The following ATG10 variants were observed in gnomAD, a reference collection of about 807,000 sequenced individuals.
The protein encoded by ATG10 is ubiquitin-like-conjugating enzyme ATG10.
A neutral mutation model predicts 32.1 loss-of-function variants in ATG10; 30 were observed. That is an observed-to-expected ratio of 0.94 (90% CI 0.70 to 1.27). The LOEUF is 1.27. ATG10 is among the 50% of genes most tolerant of loss of function. The pLI is 0.00. For missense variants in ATG10, 233 were observed against 262.3 expected (o/e 0.89, Z 0.77); for synonymous variants, 87 against 91.5 (o/e 0.95, Z 0.28).
In ATG10 at chr5:82,048,198, C is replaced by T. The variant is rs1414640502; in HGVS notation, c.109-10297C>T. On this transcript the variant is annotated intron_variant, in intron 2 of 7. Coordinates refer to ENST00000282185, the MANE Select transcript of ATG10 (RefSeq NM_031482.5). ...TTGGCTTAGGATTGACTTGGCGATG[C>T]GGGCTCTTTTTTGGTTCCATATGAA... Among the ~76,000 whole-genome samples the T allele has an allele frequency of 2.7e-4, 36 of 133,648 alleles. 1 individual carries two copies. Among genetic ancestry groups the T allele is most frequent in the South Asian group, 1.6e-3 (6 of 3,652 alleles). The allele number at this position is 133,648 out of a possible 152,430, so 87.7% of individuals were successfully genotyped here.
At chr5:82,059,013 A>G (rs1218203767) in intron 3 of ATG10, among the ~76,000 whole-genome samples, 3 of 152,132 alleles carry the variant, frequency 2.0e-5, no homozygotes, top group Non-Finnish European at 4.4e-5. Context: ...CCCTGAATAT[A>G]GCCCTAGCCC....
At chr5:82,077,213 C>G (rs956952930) in intron 3 of ATG10, among the ~76,000 whole-genome samples, 1 of 152,124 alleles carries the variant, frequency 6.6e-6, no homozygotes, top group Non-Finnish European at 1.5e-5. Flanking sequence ...GTCCCAGCTA[C>G]ACGAGAGGCT....
chr5:81,991,273 C>G (rs967076382), intron 2 of ATG10, among the ~76,000 whole-genome samples: 10 of 152,120 alleles, frequency 6.6e-5, no homozygotes, highest in African/African-American at 2.4e-4. Context: ...TGTTTGGAGA[C>G]AGTATTCTTA....
At chr5:82,226,991 A>G (rs1746157886) in intron 5 of ATG10, among the ~76,000 whole-genome samples, 2 of 152,160 alleles carry the variant, frequency 1.3e-5, no homozygotes. Flanking sequence ...AATCTTCTCT[A>G]ATTTGTATTG....
At chr5:81,983,307 G>A (rs1378700494) in intron 1 of ATG10, among the ~76,000 whole-genome samples, 1 of 131,562 alleles carries the variant, frequency 7.6e-6, no homozygotes, top group Non-Finnish European at 1.6e-5. Flanking sequence ...CCTCCTTCCC[G>A]GACGGGGCAG....
intron 3 of ATG10, among the ~76,000 whole-genome samples, chr5:82,090,767 T>C (rs1055070343): frequency 6.6e-5 from 10 of 152,156 alleles, no homozygotes; most frequent in African/African-American, 1.9e-4. Context: ...GATGTTGCCA[T>C]TGGGAGAAAT....
chr5:82,003,475 T>C (rs1425044974), intron 2 of ATG10, among the ~76,000 whole-genome samples: 1 of 152,108 alleles, frequency 6.6e-6, no homozygotes, highest in Non-Finnish European at 1.5e-5. Flanking sequence ...TGCAAAGAAA[T>C]CAAAGACAAG....
chr5:82,162,185 A>G (rs1743380479), intron 3 of ATG10, among the ~76,000 whole-genome samples: 1 of 152,132 alleles, frequency 6.6e-6, no homozygotes, highest in Admixed American at 6.6e-5. Context: ...AAGAGTTTAT[A>G]TAATTCAATA....
chr5:82,091,585 T>G (rs1305921963), intron 3 of ATG10, among the ~76,000 whole-genome samples: 1 of 152,198 alleles, frequency 6.6e-6, no homozygotes, highest in Non-Finnish European at 1.5e-5. Flanking sequence ...GAGATCAGAT[T>G]TAATCTTACT....
chr5:82,008,757 G>A (rs917586612), intron 2 of ATG10, among the ~76,000 whole-genome samples: 1 of 152,156 alleles, frequency 6.6e-6, no homozygotes. Context: ...GGAATGGAAT[G>A]GAGCTGTCTC....
At chr5:82,212,252 G>C (rs770024401) in intron 5 of ATG10, among the ~76,000 whole-genome samples, 8 of 152,112 alleles carry the variant, frequency 5.3e-5, no homozygotes, top group Non-Finnish European at 1.0e-4. Context: ...CTCTGCCTTT[G>C]CTCTGTTACT....
intron 3 of ATG10, among the ~76,000 whole-genome samples, chr5:82,119,136 A>G (rs1765939860): frequency 2.0e-5 from 3 of 152,300 alleles, no homozygotes; most frequent in African/African-American, 7.2e-5. Flanking sequence ...AATTCCCTTT[A>G]TTAATATGTT....
At chr5:82,059,396 A>G (rs1241888412) in intron 3 of ATG10, among the ~76,000 whole-genome samples, 1 of 150,706 alleles carries the variant, frequency 6.6e-6, no homozygotes, top group East Asian at 1.9e-4. Context: ...ATATACACAC[A>G]CACACACACA....
rs546095602 is a variant in ATG10, at chr5:82,094,805, C to T, written c.216+36203C>T. 2.3e-3 allele frequency among the ~76,000 whole-genome samples: 352 copies of T among 152,062 alleles called. 3 individuals are homozygous for T. The highest frequency in any genetic ancestry group is 8.1e-3 in the African/African-American group (337 of 41,508). ...TATGCATGCATATACATTGAGTATACCACTATTTTACTATTACAAATATTG... is the reference window on the plus strand; with the variant it reads ...TATGCATGCATATACATTGAGTATATCACTATTTTACTATTACAAATATTG... On this transcript the variant is annotated intron_variant, in intron 3 of 7. Transcript: ENST00000282185.
chr5:82,017,824 T>G (rs968398065), intron 2 of ATG10, among the ~76,000 whole-genome samples: 1 of 152,190 alleles, frequency 6.6e-6, no homozygotes. Flanking sequence ...CTTGATATAC[T>G]TTCTTCAATT....
At chr5:82,226,506 TTA>T (rs1347434409) in intron 5 of ATG10, among the ~76,000 whole-genome samples, 113 of 152,346 alleles carry the variant, frequency 7.4e-4, no homozygotes, top group African/African-American at 2.5e-3. Flanking sequence ...TGATACTTTA[TTA>T]AAAGTCCTAC....
At chr5:82,000,771 C>G (rs1214249644) in intron 2 of ATG10, among the ~76,000 whole-genome samples, 1 of 152,172 alleles carries the variant, frequency 6.6e-6, no homozygotes, top group Non-Finnish European at 1.5e-5. Context: ...ATTCTCCTGC[C>G]TCAGCCTCCT....
At chr5:82,145,868 G>A (rs1212709260) in intron 3 of ATG10, among the ~76,000 whole-genome samples, 1 of 151,888 alleles carries the variant, frequency 6.6e-6, no homozygotes, top group Admixed American at 6.6e-5. Context: ...CACCATGTCC[G>A]GCTAATTTTT....
chr5:82,206,628 C>T (rs907914206), intron 5 of ATG10, among the ~76,000 whole-genome samples: 9 of 147,138 alleles, frequency 6.1e-5, no homozygotes, highest in African/African-American at 2.0e-4. Flanking sequence ...CCAGCCTGGG[C>T]GACAGAGCGA....
Sources: gnomAD v4.1 joint callset for allele counts (sites outside exome capture counted in the v4.1 genomes callset) on GRCh38, gnomAD v4.1.1 for gene constraint, MANE v1.5 for transcripts, NCBI Gene and HGNC (gene_info 2026-07-23, HGNC 2026-07-21) for gene names.